Variants in MRPL13 observed in about 807,000 individuals in gnomAD.
MRPL13 encodes the protein large ribosomal subunit protein uL13m.
Under a neutral mutation model 29.0 loss-of-function variants are expected in MRPL13, and 33 were observed. The ratio of observed to expected loss-of-function variants is 1.14; its 90% CI spans 0.86 to 1.52. The LOEUF is 1.52. Ranked by LOEUF, MRPL13 falls within the 40% of genes most tolerant of loss-of-function variation. MRPL13 has a pLI of 0.00. For synonymous variants in MRPL13, 77 were observed against 68.4 expected, an observed-to-expected ratio of 1.13 and a Z score of -0.62; for missense variants, 227 against 216.7, an observed-to-expected ratio of 1.05 and a Z score of -0.30.
chr8:120,396,704 AT>A (rs111428397), intron 6 of MRPL13, among the ~76,000 whole-genome samples: 14 of 152,224 alleles, frequency 9.2e-5, no homozygotes, highest in African/African-American at 2.9e-4. Flanking sequence ...AATTAAAAAA[AT>A]TTTTCAGAAG....
At chr8:120,411,350 G>A (rs1319250876) in intron 6 of MRPL13, among the ~76,000 whole-genome samples, 1 of 152,174 alleles carries the variant, frequency 6.6e-6, no homozygotes, top group South Asian at 2.1e-4. Context: ...TTATAGGCAT[G>A]AGCCACCATG....
chr8:120,429,776 C>T (rs1366185614), intron 3 of MRPL13, among the ~76,000 whole-genome samples: 2 of 152,112 alleles, frequency 1.3e-5, no homozygotes, highest in African/African-American at 4.8e-5. Flanking sequence ...ATGTTCATAT[C>T]CCTGATATAA....
At chr8:120,438,911 T>A (rs879819792) in intron 2 of MRPL13, among the ~76,000 whole-genome samples, 1 of 152,256 alleles carries the variant, frequency 6.6e-6, no homozygotes, top group Non-Finnish European at 1.5e-5. Flanking sequence ...ACTATTTTTC[T>A]GGTCTGCCAA....
chr8:120,396,005 G>A lies in MRPL13; in HGVS notation c.*99C>T. On this transcript the variant is annotated 3_prime_UTR_variant, in exon 7 of 7. Transcript: ENST00000306185. ...TGATTCGGCACATAAAACAGGTGCT[G>A]AACTGTAGCAGTTGTTTTACTCCAT... 3.0e-6 allele frequency: 3 copies of A among 989,824 alleles called. No individual in the cohort carries two copies. Among genetic ancestry groups the A allele is most frequent in the East Asian group, 5.3e-5 (2 of 37,676 alleles). The allele number at this position is 989,824 out of a possible 1,614,324, so 61.3% of individuals were successfully genotyped here.
rs577367646 is a variant in MRPL13, at chr8:120,441,168, G to T, written c.151+2017C>A. On this transcript the variant is annotated intron_variant, in intron 2 of 6. Coordinates refer to ENST00000306185, the MANE Select transcript of MRPL13 (RefSeq NM_014078.6). Reference sequence around the variant, plus strand: ...AAACTGGGAAGGAACAGGTTGGTTTGGGTGAAGTAGATAAGAAGCAAGACA... The same window carrying T: ...AAACTGGGAAGGAACAGGTTGGTTTTGGTGAAGTAGATAAGAAGCAAGACA... Among the ~76,000 whole-genome samples the T allele has an allele frequency of 1.8e-3, 273 of 152,218 alleles. 1 individual carries two copies. The highest frequency in any genetic ancestry group is 6.3e-3 in the African/African-American group (262 of 41,552).
Position 120,443,280 on chromosome 8 carries a change from T to C in MRPL13, c.56A>G (p.Tyr19Cys), listed in dbSNP as rs532931304. ...QQWATFARIW[Y>C]LLDGKMQPPG... is the part of the protein sequence containing the mutation. Reference sequence around the variant, plus strand: ...TGGCTGCATTTTCCCATCTAAGAGATACCATATTCTAGCAAAAGTGGCCCA... The same window carrying C: ...TGGCTGCATTTTCCCATCTAAGAGACACCATATTCTAGCAAAAGTGGCCCA... The change falls in exon 2 of 7, where the codon TAT becomes TGT. Residue 19 changes from tyrosine (Y) to cysteine (C), a missense_variant. Coordinates refer to ENST00000306185, the MANE Select transcript of MRPL13 (RefSeq NM_014078.6). The C allele has an allele frequency of 6.3e-6, 10 of 1,575,374 alleles. No individual in the cohort carries two copies. The highest frequency in any genetic ancestry group is 2.3e-5 in the South Asian group (2 of 86,354).
At chr8:120,439,702 ACAAAACCT>A (rs942287898) in intron 2 of MRPL13, among the ~76,000 whole-genome samples, 1 of 152,228 alleles carries the variant, frequency 6.6e-6, no homozygotes, top group Non-Finnish European at 1.5e-5. Flanking sequence ...GATTAAAAAG[ACAAAACCT>A]CAGATTCATA....
At chr8:120,442,696 T>C (rs921725710) in intron 2 of MRPL13, among the ~76,000 whole-genome samples, 1 of 152,124 alleles carries the variant, frequency 6.6e-6, no homozygotes, top group Non-Finnish European at 1.5e-5. Context: ...AAACAACTTT[T>C]TAATTTTATT....
intron 6 of MRPL13, among the ~76,000 whole-genome samples, chr8:120,398,188 G>C (rs1812545156): frequency 6.6e-6 from 1 of 152,174 alleles, no homozygotes; most frequent in Non-Finnish European, 1.5e-5. Context: ...TCTCCTGACT[G>C]GGTGAGACCT....
intron 6 of MRPL13, among the ~76,000 whole-genome samples, chr8:120,407,810 A>G (rs1812693270): frequency 6.6e-6 from 1 of 152,166 alleles, no homozygotes; most frequent in African/African-American, 2.4e-5. Flanking sequence ...ATCTCAAAAA[A>G]ATTTTTTTCT....
chr8:120,415,651 T>G (rs894553482), intron 5 of MRPL13: 1 of 152,148 alleles, frequency 6.6e-6, no homozygotes, highest in South Asian at 2.1e-4. Flanking sequence ...ATAGATACTC[T>G]TGATAATGTG....
At chr8:120,418,523 A>AAATGTACTGT (rs1812832515) in intron 5 of MRPL13, among the ~76,000 whole-genome samples, 1 of 152,058 alleles carries the variant, frequency 6.6e-6, no homozygotes, top group African/African-American at 2.4e-5. Flanking sequence ...CGGCTTGATA[A>AAATGTACTGT]AATGTACTGT....
chr8:120,425,988 A>G (rs1812927987), intron 3 of MRPL13, among the ~76,000 whole-genome samples: 1 of 152,118 alleles, frequency 6.6e-6, no homozygotes, highest in African/African-American at 2.4e-5. Flanking sequence ...CCCTAGATGC[A>G]GGTATGGAAT....
At chr8:120,396,745 AC>A (rs1323993381) in intron 6 of MRPL13, among the ~76,000 whole-genome samples, 1 of 152,248 alleles carries the variant, frequency 6.6e-6, no homozygotes, top group Non-Finnish European at 1.5e-5. Flanking sequence ...ACAAAATTAA[AC>A]ATAGGAAATT....
intron 6 of MRPL13, among the ~76,000 whole-genome samples, chr8:120,413,346 T>C (rs1043193923): frequency 6.6e-6 from 1 of 152,134 alleles, no homozygotes; most frequent in East Asian, 1.9e-4. Flanking sequence ...AATATATAAT[T>C]AGAGTAAATC....
At chr8:120,434,036 A>C (rs1304370759) in intron 2 of MRPL13, among the ~76,000 whole-genome samples, 1 of 152,092 alleles carries the variant, frequency 6.6e-6, no homozygotes, top group Non-Finnish European at 1.5e-5. Context: ...TAAACTTCTA[A>C]CTTTATCTGA....
At chr8:120,403,658 T>G (rs1812631028) in intron 6 of MRPL13, among the ~76,000 whole-genome samples, 1 of 152,160 alleles carries the variant, frequency 6.6e-6, no homozygotes, top group Non-Finnish European at 1.5e-5. Context: ...ATAAATATTT[T>G]GAAAACACCT....
chr8:120,432,039 G>A lies in MRPL13; in HGVS notation c.236C>T (p.Ser79Leu), dbSNP rs377312788. The change falls in exon 3 of 7, where the codon TCG becomes TTG. Residue 79 changes from serine to leucine, a missense_variant. Physicochemically the swap from Ser to Leu is moderately radical, Grantham distance 145. Transcript: ENST00000306185. ...GNKWEQKVYS[S>L]HTGYPGGFRQ... ...AACAGCATTATCTTACCCAGTATGC[G>A]AAGAGTATACTTTTTGTTCCCATTT... is the stretch of plus-strand genomic sequence containing the variant. 49 of 1,598,466 alleles carry A rather than the reference G, an allele frequency of 3.1e-5. No individual in the cohort carries two copies. Among genetic ancestry groups the A allele is most frequent in the Non-Finnish European group, 3.4e-5 (40 of 1,171,722 alleles).
At chr8:120,440,608 C>A (rs77982956) in intron 2 of MRPL13, among the ~76,000 whole-genome samples, 105,854 of 124,984 alleles carry the variant, frequency 0.85, 45,196 homozygotes, top group Non-Finnish European at 0.9. Context: ...CTCTCTCTCT[C>A]AAAAAAAAAA....
Sources: allele counts gnomAD v4.1 joint callset (sites outside exome capture counted in the v4.1 genomes callset), GRCh38; gene constraint gnomAD v4.1.1; transcripts MANE v1.5; gene names NCBI Gene and HGNC (gene_info 2026-07-23, HGNC 2026-07-21).